ATAD3A: variants seen among roughly 807,000 people sequenced by gnomAD.
ATAD3A encodes the protein ATPase family AAA domain-containing protein 3A.
A neutral mutation model predicts 73.8 loss-of-function variants in ATAD3A; 46 were observed. The observed-to-expected ratio is 0.62, with a 90% CI of 0.49 to 0.80. ATAD3A has a LOEUF of 0.80. Among genes scored for constraint, ATAD3A ranks in the 30% least tolerant of loss-of-function variants. The probability of loss-of-function intolerance (pLI) is 0.00; values close to 1 mark genes in which losing one functional copy is unlikely to be tolerated. For missense variants in ATAD3A, 705 were observed against 838.0 expected, an observed-to-expected ratio of 0.84 and a Z score of 1.96; for synonymous variants, 319 against 350.0, an observed-to-expected ratio of 0.91 and a Z score of 0.99.
At chr1:1,522,489 G>C (rs184351141) in intron 7 of ATAD3A, among the ~76,000 whole-genome samples, 2 of 152,218 alleles carry the variant, frequency 1.3e-5, no homozygotes, top group Admixed American at 6.5e-5. Context: ...CTCAGCGACC[G>C]AGGCTTTCTA....
At chr1:1,528,659 A>T (rs1404629944) in intron 14 of ATAD3A, among the ~76,000 whole-genome samples, 1 of 152,168 alleles carries the variant, frequency 6.6e-6, no homozygotes, top group African/African-American at 2.4e-5. Context: ...ACTCCAGATG[A>T]GCAGAGGCTG....
chr1:1,520,061 G>A lies in ATAD3A; in HGVS notation c.515-80G>A. ...TGTCCGTGGCGTGGGCCGGTCCGTGGCGTGGGCCGGTCCACAGTGTGGGTG... is the reference window on the plus strand; with the variant it reads ...TGTCCGTGGCGTGGGCCGGTCCGTGACGTGGGCCGGTCCACAGTGTGGGTG... On this transcript the variant is annotated intron_variant, in intron 5 of 15. Coordinates refer to ENST00000378756, the MANE Select transcript of ATAD3A (RefSeq NM_001170535.3). This position sits in a 1 kb window ranked among gnomAD's most constrained non-coding sequence, Gnocchi z 4.0. 4 of 1,540,688 alleles carry A rather than the reference G, an allele frequency of 2.6e-6. No homozygotes were observed. Among genetic ancestry groups the A allele is most frequent in the Non-Finnish European group, 3.5e-6 (4 of 1,142,252 alleles).
chr1:1,530,808 G>A (rs571464907), intron 15 of ATAD3A, among the ~76,000 whole-genome samples: 1,270 of 86,702 alleles, frequency 0.015, 77 homozygotes, highest in Admixed American at 0.025. Context: ...CAGCCTGGGC[G>A]ACAGAGCGAG....
intron 2 of ATAD3A, 157 bp from the exon 3 acceptor site, chr1:1,517,154 A>G (rs2100648230): frequency 6.5e-7 from 1 of 1,548,738 alleles, no homozygotes; most frequent in East Asian, 2.5e-5. Context: ...CCAGGGCCTG[A>G]TCCTGGGTGC....
intron 13 of ATAD3A, 58 bp from the exon 14 acceptor site, chr1:1,527,637 C>T: frequency 6.4e-7 from 1 of 1,551,896 alleles, no homozygotes; most frequent in Non-Finnish European, 8.7e-7. Context: ...GGCCCCGTTC[C>T]CCTTGGTGCA....
At chr1:1,518,792 C>T (rs998333722) in intron 4 of ATAD3A, 129 bp from the exon 5 acceptor site, 41 of 1,561,902 alleles carry the variant, frequency 2.6e-5, no homozygotes, top group Middle Eastern at 1.7e-4. Context: ...CCCCCGCAAA[C>T]GGGCACCGTC....
rs1557451691 is a variant in ATAD3A at position 1,512,202 on chromosome 1, C to G, written c.-67C>G. The G allele has an allele frequency of 2.5e-5, 31 of 1,233,950 alleles. No homozygotes were observed. Among genetic ancestry groups the G allele is most frequent in the Non-Finnish European group, 2.9e-5 (29 of 985,242 alleles). 76.4% of individuals were successfully genotyped at this position (1,233,950 alleles called of 1,614,324 possible). A position where few individuals can be genotyped will look rare whatever the true frequency, so the allele number is the denominator to read the frequency against. ...CGGCTCGCGGCGCGTGGAGGCTGCT[C>G]CCAGCCGCGCGCGAGTCAGACTCGG... On this transcript the variant is annotated 5_prime_UTR_variant, in exon 1 of 16. Coordinates refer to ENST00000378756, the MANE Select transcript of ATAD3A (RefSeq NM_001170535.3).
Position 1,520,052 on chromosome 1 carries a change from C to T in ATAD3A, c.515-89C>T, listed in dbSNP as rs1253583103. On this transcript the variant is annotated intron_variant, in intron 5 of 15. Transcript: ENST00000378756. The surrounding 1 kb of genome is among the most constrained non-coding windows in gnomAD (Gnocchi z 4.0). ...GCGTTGGTCTGTCCGTGGCGTGGGC[C>T]GGTCCGTGGCGTGGGCCGGTCCACA... 26 of 1,520,458 alleles carry T rather than the reference C, an allele frequency of 1.7e-5. No homozygotes were observed. Among genetic ancestry groups the T allele is most frequent in the African/African-American group, 1.4e-4 (10 of 72,638 alleles). The allele number at this position is 1,520,458 out of a possible 1,614,324, so 94.2% of individuals were successfully genotyped here.
At position 1,529,307 on chromosome 1, in the gene ATAD3A, C is replaced by A. The variant is rs370314852; in HGVS notation, c.1590C>A (p.Ile530=). 33 of 1,598,810 alleles carry A rather than the reference C, an allele frequency of 2.1e-5. No homozygotes were observed. The highest frequency in any genetic ancestry group is 2.0e-4 in the African/African-American group (15 of 74,836). Residue 530 remains isoleucine (I), a synonymous_variant, in exon 15 of 16, where the codon ATC becomes ATA. Coordinates refer to ENST00000378756, the MANE Select transcript of ATAD3A (RefSeq NM_001170535.3). ...RLTEGMSGRE[I]AQLAVSWQAT... ...CGGAGGGCATGTCGGGCCGGGAGATCGCTCAGCTGGCCGTGTCCTGGCAGG... is the reference window on the plus strand; with the variant it reads ...CGGAGGGCATGTCGGGCCGGGAGATAGCTCAGCTGGCCGTGTCCTGGCAGG...
intron 15 of ATAD3A, among the ~76,000 whole-genome samples, chr1:1,533,019 G>A (rs1210869393): frequency 6.6e-6 from 1 of 152,214 alleles, no homozygotes. Context: ...GTGGGCGCTT[G>A]CAGAGGGGAC....
rs564491038 is a variant in ATAD3A, at chr1:1,523,382, C to G, written c.907-129C>G. ...TCCGGGCGGGGCAGGGTTCCAGCTC[C>G]GGGCCGGTCCTGGCTGTGCTTTGGG... On this transcript the variant is annotated intron_variant, in intron 8 of 15. Coordinates refer to ENST00000378756, the MANE Select transcript of ATAD3A (RefSeq NM_001170535.3). This position sits in a 1 kb window ranked among gnomAD's most constrained non-coding sequence, Gnocchi z 5.1. 2.7e-6 allele frequency: 4 copies of G among 1,458,152 alleles called. No individual in the cohort carries two copies. The African/African-American group carries it at 5.6e-5, about 21-fold the overall frequency. 90.3% of individuals were successfully genotyped at this position (1,458,152 alleles called of 1,614,324 possible). A position where few individuals can be genotyped will look rare whatever the true frequency, so the allele number is the denominator to read the frequency against.
chr1:1,529,514 T>A (rs1641964301), intron 15 of ATAD3A, among the ~76,000 whole-genome samples, 183 bp downstream of exon 15: 1 of 152,234 alleles, frequency 6.6e-6, no homozygotes, highest in Non-Finnish European at 1.5e-5. Flanking sequence ...ATCGCGCACC[T>A]GCTCGTGCCC....
chr1:1,531,756 C>T lies in ATAD3A; in HGVS notation c.1615-2170C>T, dbSNP rs529592312. Among the ~76,000 whole-genome samples, 249 of 151,630 alleles carry T rather than the reference C, an allele frequency of 1.6e-3. 6 individuals are homozygous for T. Among genetic ancestry groups the T allele is most frequent in the Non-Finnish European group, 1.1e-3 (74 of 67,882 alleles). On this transcript the variant is annotated intron_variant, in intron 15 of 15. Coordinates refer to ENST00000378756, the MANE Select transcript of ATAD3A (RefSeq NM_001170535.3). ...TCGCACCACTGCACTCCAGCCTGGG[C>T]GACAGAGCAAGACTCTGTCTCAAAA...
chr1:1,523,436 G>A lies in ATAD3A; in HGVS notation c.907-75G>A, dbSNP rs571514395. ...GCTCCGTTTCTGCGTGTTACCGAGCGTGTGTGTGCGCGTTGGTGGCTGTTC... is the reference window on the plus strand; with the variant it reads ...GCTCCGTTTCTGCGTGTTACCGAGCATGTGTGTGCGCGTTGGTGGCTGTTC... On this transcript the variant is annotated intron_variant, in intron 8 of 15. Coordinates refer to ENST00000378756, the MANE Select transcript of ATAD3A (RefSeq NM_001170535.3). The surrounding 1 kb of genome is among the most constrained non-coding windows in gnomAD (Gnocchi z 5.1). 5.1e-4 allele frequency: 800 copies of A among 1,567,238 alleles called. 2 individuals are homozygous for A. Among genetic ancestry groups the A allele is most frequent in the Middle Eastern group, 2.7e-3 (13 of 4,826 alleles).
chr1:1,527,841 A>C lies in ATAD3A; in HGVS notation c.1484A>C (p.Lys495Thr). 6.2e-7 allele frequency: 1 copy of C among 1,613,570 alleles called. No individual in the cohort carries two copies. Among genetic ancestry groups the C allele is most frequent in the East Asian group, 2.2e-5 (1 of 44,882 alleles). ...ATGTATTTTGACAAGTATGTTCTTA[A>C]GCCGGCCACAGAAGGAAAGCAGTAA... ...VRMYFDKYVL[K>T]PATEGKQRLK... Residue 495 changes from lysine to threonine, a missense_variant, in exon 14 of 16, where the codon AAG becomes ACG. Lys to Thr is a moderately conservative substitution (Grantham distance 78). Coordinates refer to ENST00000378756, the MANE Select transcript of ATAD3A (RefSeq NM_001170535.3).
intron 13 of ATAD3A, among the ~76,000 whole-genome samples, chr1:1,526,849 C>T (rs973763471): frequency 3.9e-5 from 6 of 152,172 alleles, no homozygotes; most frequent in African/African-American, 9.7e-5. Context: ...GTGGTCTCAT[C>T]GTGTGAGGCT....
At chr1:1,528,909 C>T (rs1282958421) in intron 14 of ATAD3A, among the ~76,000 whole-genome samples, 3 of 152,258 alleles carry the variant, frequency 2.0e-5, no homozygotes, top group Admixed American at 6.5e-5. Flanking sequence ...TCCAGGCAGA[C>T]GCTTTTGCTA....
At position 1,527,678 on chromosome 1, in the gene ATAD3A, T is replaced by C. The variant is rs773274496; in HGVS notation, c.1338-17T>C. On this transcript the variant is annotated splice_polypyrimidine_tract_variant and intron_variant, in intron 13 of 15. Transcript: ENST00000378756. ...GCCGGCAGCCCCAGCATCCTCATCC[T>C]CATCCCCGCCCCGCAGGTTCATGCT... 2 of 1,599,622 alleles carry C rather than the reference T, an allele frequency of 1.3e-6. No individual in the cohort carries two copies. The highest frequency in any genetic ancestry group is 1.1e-5 in the South Asian group (1 of 89,896).
chr1:1,512,290 A>T lies in ATAD3A; in HGVS notation c.22A>T (p.Asn8Tyr). Residue 8 changes from asparagine to tyrosine, a missense_variant, in exon 1 of 16, where the codon AAC becomes TAC. By Grantham distance (143) the Asn-to-Tyr change is moderately radical. Transcript: ENST00000378756. MSWLFGINKGPKGEGAGP... is the reference protein window; with the variant it reads MSWLFGIYKGPKGEGAGP... Reference sequence around the variant, plus strand: ...GAGCATGTCGTGGCTCTTCGGCATTAACAAGGGCCCCAAGGGTGAAGGCGC... The same window carrying T: ...GAGCATGTCGTGGCTCTTCGGCATTTACAAGGGCCCCAAGGGTGAAGGCGC... 2.4e-6 allele frequency: 3 copies of T among 1,272,546 alleles called. No homozygotes were observed. Among genetic ancestry groups the T allele is most frequent in the Non-Finnish European group, 3.0e-6 (3 of 1,003,938 alleles). The allele number at this position is 1,272,546 out of a possible 1,614,324, so 78.8% of individuals were successfully genotyped here. A position where few individuals can be genotyped will look rare whatever the true frequency, so the allele number is the denominator to read the frequency against.
Sources: allele counts gnomAD v4.1 joint callset (sites outside exome capture counted in the v4.1 genomes callset), GRCh38; gene constraint gnomAD v4.1.1; non-coding constraint Gnocchi (gnomAD v3.1); transcripts MANE v1.5; gene names NCBI Gene and HGNC (gene_info 2026-07-23, HGNC 2026-07-21).